Variants in C1orf210 observed in about 807,000 individuals in gnomAD.
C1orf210 encodes chromosome 1 open reading frame 210.
A neutral mutation model predicts 3.7 loss-of-function variants in C1orf210; 3 were observed. That is an observed-to-expected ratio of 0.81 (90% CI 0.37 to 2.08). The LOEUF (loss-of-function observed/expected upper bound fraction) is 2.08. Ranked by LOEUF, C1orf210 falls within the 30% of genes most tolerant of loss-of-function variation. The pLI is 0.06. For synonymous variants in C1orf210, 62 were observed against 61.7 expected (o/e 1.00, Z -0.02); for missense variants, 143 against 147.7 (o/e 0.97, Z 0.17).
upstream of C1orf210, among the ~76,000 whole-genome samples, chr1:43,285,778 C>A (rs1434907666): frequency 6.6e-6 from 1 of 152,056 alleles, no homozygotes; most frequent in Non-Finnish European, 1.5e-5. Flanking sequence ...GTAGACCTCA[C>A]CCTCACCCCC....
chr1:43,283,027 G>A lies in C1orf210; in HGVS notation c.100C>T (p.Leu34=), dbSNP rs776440179. 23 of 1,614,080 alleles carry A rather than the reference G, an allele frequency of 1.4e-5. No homozygotes were observed. The highest frequency in any genetic ancestry group is 1.9e-5 in the Non-Finnish European group (23 of 1,179,936). Reference sequence around the variant, plus strand: ...ACAGCCCCCAGCACAAATCCTACCAGCACAGGCCATGCCCGAGCCCCAGTG... The same window carrying A: ...ACAGCCCCCAGCACAAATCCTACCAACACAGGCCATGCCCGAGCCCCAGTG... ...PGTGARAWPV[L]VGFVLGAVVL... The change falls in exon 3 of 3, where the codon CTG becomes TTG. Residue 34 remains leucine (L), a synonymous_variant. Transcript: ENST00000523677.
rs1356250956 is a variant in C1orf210, at chr1:43,283,247, C to A, written c.19+5G>T. 1.2e-6 allele frequency: 2 copies of A among 1,613,752 alleles called. No homozygotes were observed. The highest frequency in any genetic ancestry group is 1.3e-5 in the African/African-American group (1 of 74,936). On this transcript the variant is annotated splice_donor_5th_base_variant and intron_variant, in intron 2 of 2. Coordinates refer to ENST00000523677, the MANE Select transcript of C1orf210 (RefSeq NM_182517.3). ...CACCCCCATCATCCTCCCACTGTCA[C>A]TCACTTTTGTTTGTCTCATTCATGG...
chr1:43,283,871 T>C (rs1371295980), intron 1 of C1orf210, among the ~76,000 whole-genome samples: 1 of 152,036 alleles, frequency 6.6e-6, no homozygotes, highest in Non-Finnish European at 1.5e-5. Flanking sequence ...AGACCACATA[T>C]GGGGAGGGTG....
rs1415949397 is a variant in C1orf210, at chr1:43,282,956, G to A, written c.171C>T (p.Cys57=). 6.2e-7 allele frequency: 1 copy of A among 1,614,184 alleles called. No individual in the cohort carries two copies. Among genetic ancestry groups the A allele is most frequent in the Non-Finnish European group, 8.5e-7 (1 of 1,180,020 alleles). ...GCCGGTAGCTGGCATGGTATCGGCG[G>A]CAGAGGTGGCATTTGGCAGCAAGTG... is the stretch of plus-strand genomic sequence containing the variant. ...LIALAAKCHL[C]RRYHASYRHR... is the part of the protein sequence containing the mutation. The change falls in exon 3 of 3, where the codon TGC becomes TGT. Residue 57 remains cysteine, a synonymous_variant. Transcript: ENST00000523677.
chr1:43,284,488 C>T (rs959750621), intron 1 of C1orf210, among the ~76,000 whole-genome samples: 2 of 152,078 alleles, frequency 1.3e-5, no homozygotes, highest in African/African-American at 4.8e-5. Flanking sequence ...CACTAAACAT[C>T]TCTGGAATGA....
chr1:43,284,428 C>T (rs1295650114), intron 1 of C1orf210, among the ~76,000 whole-genome samples: 1 of 151,958 alleles, frequency 6.6e-6, no homozygotes, highest in South Asian at 2.1e-4. Flanking sequence ...CCTTCAAACC[C>T]CCCCCAACCT....
chr1:43,285,385 C>G (rs1036124444), intron 1 of C1orf210, 59 bp downstream of exon 1: 2 of 152,466 alleles, frequency 1.3e-5, no homozygotes, highest in Admixed American at 6.5e-5. Context: ...ACAGCCCCTC[C>G]CCCCAGGTCA....
In C1orf210 at chr1:43,282,981, G is replaced by A. The variant is rs756400581; in HGVS notation, c.146C>T (p.Ala49Val). 4.3e-6 allele frequency: 7 copies of A among 1,614,146 alleles called. No individual in the cohort carries two copies. Among genetic ancestry groups the A allele is most frequent in the Middle Eastern group, 1.6e-4 (1 of 6,062 alleles). The change falls in exon 3 of 3, where the codon GCA becomes GTA. Residue 49 changes from alanine to valine, a missense_variant. Ala to Val is a moderately conservative substitution (Grantham distance 64, BLOSUM62 0). Coordinates refer to ENST00000523677, the MANE Select transcript of C1orf210 (RefSeq NM_182517.3). ...LGAVVLSLLI[A>V]LAAKCHLCRR... ...GCAGAGGTGGCATTTGGCAGCAAGT[G>A]CAATGAGGAGCGAGAGGACCACAGC... is the stretch of plus-strand genomic sequence containing the variant.
chr1:43,282,821 C>T lies in C1orf210; in HGVS notation c.306G>A (p.Leu102=). Residue 102 remains leucine (L), a synonymous_variant, in exon 3 of 3, where the codon CTG becomes CTA. Transcript: ENST00000523677. ...AGTGGTCCCTGCTACCCTCTGTCCC[C>T]AGCTCGCCAGTCCCAGGCTGAATGT... ...DNYIQPGTGE[L]GTEGSRDHFS... is the part of the protein sequence containing the mutation. 1 of 1,611,078 alleles carries T rather than the reference C, an allele frequency of 6.2e-7. No homozygotes were observed. Among genetic ancestry groups the T allele is most frequent in the Non-Finnish European group, 8.5e-7 (1 of 1,178,110 alleles).
chr1:43,283,460 T>G, intron 1 of C1orf210, 92 bp from the exon 2 acceptor site: 1 of 675,990 alleles, frequency 1.5e-6, no homozygotes. Flanking sequence ...GCACAAACTC[T>G]GGGGACTGGA....
At chr1:43,284,780 T>G (rs1201569407) in intron 1 of C1orf210, among the ~76,000 whole-genome samples, 1 of 152,034 alleles carries the variant, frequency 6.6e-6, no homozygotes, top group Admixed American at 6.6e-5. Context: ...ACACATGCCC[T>G]CCTCCCACTC....
Position 43,282,472 on chromosome 1 carries a change from G to T in C1orf210, c.*313C>A. 6.6e-6 allele frequency: 2 copies of T among 302,212 alleles called. No individual in the cohort carries two copies. The allele number at this position is 302,212 out of a possible 1,614,324, so 18.7% of individuals were successfully genotyped here. Reference sequence around the variant, plus strand: ...TGGGAGGGAGAATAACATTGATTTCGACAGTAAAGTAGGGGAAGGCAAGAA... The same window carrying T: ...TGGGAGGGAGAATAACATTGATTTCTACAGTAAAGTAGGGGAAGGCAAGAA... On this transcript the variant is annotated 3_prime_UTR_variant, in exon 3 of 3. Transcript: ENST00000523677.
Position 43,282,912 on chromosome 1 carries a change from G to A in C1orf210, c.215C>T (p.Thr72Ile), listed in dbSNP as rs1346378088. The A allele has an allele frequency of 6.2e-7, 1 of 1,614,162 alleles. No homozygotes were observed. The highest frequency in any genetic ancestry group is 8.5e-7 in the Non-Finnish European group (1 of 1,180,006). Reference protein sequence around the residue: ...ASYRHRPLPETGRGGRPQVAE... With the variant: ...ASYRHRPLPEIGRGGRPQVAE... ...CACCTGTGGGCGGCCTCCCCTTCCT[G>A]TCTCAGGCAGTGGGCGGTGCCGGTA... Residue 72 changes from threonine to isoleucine, a missense_variant, in exon 3 of 3, where the codon ACA becomes ATA. By Grantham distance (89) the Thr-to-Ile change is moderately conservative. Coordinates refer to ENST00000523677, the MANE Select transcript of C1orf210 (RefSeq NM_182517.3).
At position 43,282,152 on chromosome 1, in the gene C1orf210, C is replaced by T. The variant is rs1471266703; in HGVS notation, c.*633G>A. 1 of 152,184 alleles carries T rather than the reference C, an allele frequency of 6.6e-6. No individual in the cohort carries two copies. The highest frequency in any genetic ancestry group is 1.5e-5 in the Non-Finnish European group (1 of 68,130). The allele number at this position is 152,184 out of a possible 1,614,324, so 9.4% of individuals were successfully genotyped here. A position where few individuals can be genotyped will look rare whatever the true frequency, so the allele number is the denominator to read the frequency against. On this transcript the variant is annotated 3_prime_UTR_variant, in exon 3 of 3. Coordinates refer to ENST00000523677, the MANE Select transcript of C1orf210 (RefSeq NM_182517.3). ...TGGTGGCGGATGCCTGTAATCCCAG[C>T]TACTCAGGAGGCTGAAGCAGGAGAA...
rs561258324 is a variant in C1orf210, at chr1:43,282,226, T to G, written c.*559A>C. The G allele has an allele frequency of 1.3e-5, 2 of 151,376 alleles. No individual in the cohort carries two copies. Among genetic ancestry groups the G allele is most frequent in the South Asian group, 4.2e-4 (2 of 4,812 alleles). 9.4% of individuals were successfully genotyped at this position (151,376 alleles called of 1,614,324 possible). A position where few individuals can be genotyped will look rare whatever the true frequency, so the allele number is the denominator to read the frequency against. On this transcript the variant is annotated 3_prime_UTR_variant, in exon 3 of 3. Coordinates refer to ENST00000523677, the MANE Select transcript of C1orf210 (RefSeq NM_182517.3). ...GTTGCAGTGAGCCAAGATGTGCCAT[T>G]GCACTCCAGCCTGGGCAACAGAGTG...
rs956807948 is a variant in C1orf210 at position 43,281,966 on chromosome 1, T to C, written c.*819A>G. Reference sequence around the variant, plus strand: ...ATTACCCACTTTATTTATAGGAAAATATTTCATTAAGAAGCTGGCCGGGCA... The same window carrying C: ...ATTACCCACTTTATTTATAGGAAAACATTTCATTAAGAAGCTGGCCGGGCA... On this transcript the variant is annotated 3_prime_UTR_variant, in exon 3 of 3. Coordinates refer to ENST00000523677, the MANE Select transcript of C1orf210 (RefSeq NM_182517.3). The C allele has an allele frequency of 4.0e-5, 6 of 151,692 alleles. No individual in the cohort carries two copies. In the South Asian group the frequency reaches 1.3e-3, roughly 32 times the overall value. 9.4% of individuals were successfully genotyped at this position (151,692 alleles called of 1,614,324 possible).
intron 1 of C1orf210, among the ~76,000 whole-genome samples, chr1:43,285,071 G>C (rs975940394): frequency 6.6e-6 from 1 of 152,180 alleles, no homozygotes; most frequent in Non-Finnish European, 1.5e-5. Context: ...GGGAGCGTGA[G>C]AGTGAATATA....
rs35465732 is a variant in C1orf210, at chr1:43,283,092, G to T, written c.35C>A (p.Ser12Ter). The change falls in exon 3 of 3, where the codon TCG (serine) becomes TAG (stop). Residue 12 changes from serine to a stop codon, truncating the protein, a stop_gained. Transcript: ENST00000523677. LOFTEE classifies it high-confidence loss of function. ...CACAGCAGACGCTGTGGGGAGCTCC[G>T]AAGGCCCAACAAGTGCTGCAGAGAA... ...NETNKTLVGPSELPTASAVAP... is the reference protein window; with the variant it reads ...NETNKTLVGP The T allele has an allele frequency of 8.1e-6, 13 of 1,612,948 alleles. No individual in the cohort carries two copies. Among genetic ancestry groups the T allele is most frequent in the Admixed American group, 1.7e-5 (1 of 59,896 alleles).
chr1:43,283,691 T>A (rs959319369), intron 1 of C1orf210, among the ~76,000 whole-genome samples: 2 of 152,200 alleles, frequency 1.3e-5, no homozygotes, highest in Admixed American at 1.3e-4. Context: ...AGATGAGGGC[T>A]CTGAGGCTGA....
Sources: allele counts gnomAD v4.1 joint callset (sites outside exome capture counted in the v4.1 genomes callset), GRCh38; gene constraint gnomAD v4.1.1; transcripts MANE v1.5; gene names NCBI Gene and HGNC (gene_info 2026-07-23, HGNC 2026-07-21).